The following BACH2 variants were observed in gnomAD, a reference collection of about 807,000 sequenced individuals.
BACH2 encodes the protein transcription regulator protein BACH2.
Under a neutral mutation model 61.8 loss-of-function variants are expected in BACH2, and 5 were observed. The observed-to-expected ratio is 0.08, with a 90% CI of 0.04 to 0.17. The LOEUF (loss-of-function observed/expected upper bound fraction) is 0.17, where lower values mean the gene tolerates loss of function less well. BACH2 is among the 10% of genes least tolerant of loss of function. The pLI is 1.00. For synonymous variants in BACH2, 446 were observed against 440.1 expected, an observed-to-expected ratio of 1.01 and a Z score of -0.17; for missense variants, 824 against 1,091.1, an observed-to-expected ratio of 0.76 and a Z score of 3.45.
At position 90,033,674 on chromosome 6, in the gene BACH2, C is replaced by A. The variant is rs1779124366; in HGVS notation, c.-12-24818G>T. 2.0e-5 allele frequency among the ~76,000 whole-genome samples: 3 copies of A among 151,996 alleles called. No homozygotes were observed. In the South Asian group the frequency reaches 6.2e-4, roughly 32 times the overall value. On this transcript the variant is annotated intron_variant, in intron 5 of 8. Transcript: ENST00000257749. The stretch of plus-strand genomic sequence containing the variant: ...TCCCTATTACAATGCTTTCAAAATT[C>A]TTTGAAAGAAAAAGATGCTCACCTG...
intron 3 of BACH2, among the ~76,000 whole-genome samples, chr6:90,242,378 A>G (rs1475184550): frequency 2.6e-5 from 4 of 152,166 alleles, no homozygotes; most frequent in African/African-American, 9.7e-5. Flanking sequence ...ACTTAGCAAT[A>G]TGCATTTAAG....
chr6:90,079,989 C>G (rs1378288880), intron 5 of BACH2, among the ~76,000 whole-genome samples: 1 of 151,354 alleles, frequency 6.6e-6, no homozygotes, highest in Non-Finnish European at 1.5e-5. Context: ...TTCAAAGACT[C>G]TAAGTTGGTA....
chr6:90,211,514 A>G (rs1369251811), intron 3 of BACH2, among the ~76,000 whole-genome samples: 1 of 152,132 alleles, frequency 6.6e-6, no homozygotes, highest in Admixed American at 6.6e-5. Flanking sequence ...AATGTGGTAT[A>G]GAGGTATGCT....
Position 90,210,312 on chromosome 6 carries a change from A to AACAC in BACH2, c.-274-3635_-274-3632dup, listed in dbSNP as rs3072671. 7.3e-3 allele frequency among the ~76,000 whole-genome samples: 1,074 copies of AACAC among 147,234 alleles called. 7 individuals are homozygous for AACAC. The highest frequency in any genetic ancestry group is 0.014 in the African/African-American group (555 of 39,832). ...ATAAACACAACACACACCCCAAAAC[A>AACAC]ACACACACACACACACACACACACA... On this transcript the variant is annotated intron_variant, in intron 3 of 8. Transcript: ENST00000257749.
intron 3 of BACH2, among the ~76,000 whole-genome samples, chr6:90,211,635 C>T (rs1769358193): frequency 7.4e-6 from 1 of 135,986 alleles, no homozygotes; most frequent in African/African-American, 2.6e-5. Context: ...TGTGTGTGCT[C>T]TCCTGACCCT....
At chr6:90,294,386 T>C (rs1158278924) in intron 1 of BACH2, among the ~76,000 whole-genome samples, 1 of 152,202 alleles carries the variant, frequency 6.6e-6, no homozygotes, top group Non-Finnish European at 1.5e-5. Flanking sequence ...TCTATTTCAA[T>C]GATATTCAGG....
At chr6:89,971,568 G>A (rs62408179) in intron 6 of BACH2, among the ~76,000 whole-genome samples, 49,611 of 151,872 alleles carry the variant, frequency 0.33, 8,578 homozygotes, top group Non-Finnish European at 0.39. Context: ...TACAGGGTGT[G>A]TAAGTCCATT....
chr6:90,130,218 C>T (rs1784033217), intron 4 of BACH2, among the ~76,000 whole-genome samples: 1 of 152,078 alleles, frequency 6.6e-6, no homozygotes, highest in South Asian at 2.1e-4. Flanking sequence ...GGAATTCCTG[C>T]TGGTGTGATG....
At chr6:90,009,539 T>C (rs938421802) in intron 5 of BACH2, among the ~76,000 whole-genome samples, 3 of 152,246 alleles carry the variant, frequency 2.0e-5, no homozygotes, top group African/African-American at 7.2e-5. Flanking sequence ...CCCAGCTGAA[T>C]TGATGTACAT....
Position 90,015,071 on chromosome 6 carries a change from C to G in BACH2, c.-12-6215G>C, listed in dbSNP as rs532092281. Among the ~76,000 whole-genome samples, 9 of 152,118 alleles carry G rather than the reference C, an allele frequency of 5.9e-5. No homozygotes were observed. The East Asian group carries it at 1.7e-3, about 29-fold the overall frequency. On this transcript the variant is annotated intron_variant, in intron 5 of 8. Transcript: ENST00000257749. Reference sequence around the variant, plus strand: ...CACTGGGATTACAGGCGTGAGCCACCACACCCAGCCCATATATAGTTTTTA... The same window carrying G: ...CACTGGGATTACAGGCGTGAGCCACGACACCCAGCCCATATATAGTTTTTA...
chr6:89,986,604 G>C (rs558210860), intron 6 of BACH2, among the ~76,000 whole-genome samples: 1 of 151,942 alleles, frequency 6.6e-6, no homozygotes, highest in African/African-American at 2.4e-5. Context: ...GAATGTTTAG[G>C]TGGCACTTAA....
At chr6:90,105,771 G>T (rs1782875732) in intron 4 of BACH2, among the ~76,000 whole-genome samples, 1 of 152,226 alleles carries the variant, frequency 6.6e-6, no homozygotes, top group South Asian at 2.1e-4. Context: ...AAGAAGAAAA[G>T]TGAAGGATGG....
At chr6:90,275,759 T>A (rs778023513) in intron 1 of BACH2, among the ~76,000 whole-genome samples, 4 of 152,112 alleles carry the variant, frequency 2.6e-5, no homozygotes, top group Admixed American at 1.3e-4. Context: ...CCTGAACATC[T>A]GAGGTCAGAA....
intron 5 of BACH2, among the ~76,000 whole-genome samples, chr6:90,030,289 A>G (rs897101544): frequency 1.3e-5 from 2 of 152,128 alleles, no homozygotes; most frequent in Non-Finnish European, 2.9e-5. Flanking sequence ...TGATGCTTTC[A>G]GAATGTGACA....
intron 4 of BACH2, among the ~76,000 whole-genome samples, chr6:90,100,268 T>C (rs1051673475): frequency 6.6e-6 from 1 of 152,250 alleles, no homozygotes; most frequent in Non-Finnish European, 1.5e-5. Flanking sequence ...TATTTGGACA[T>C]GTTTTCAATT....
At chr6:90,231,038 A>C (rs542553057) in intron 3 of BACH2, among the ~76,000 whole-genome samples, 3 of 152,226 alleles carry the variant, frequency 2.0e-5, no homozygotes, top group Admixed American at 1.3e-4. Context: ...TCTCTGCCGA[A>C]TTCCCTTCCC....
intron 4 of BACH2, among the ~76,000 whole-genome samples, chr6:90,146,790 T>C (rs1784634356): frequency 6.6e-6 from 1 of 152,226 alleles, no homozygotes; most frequent in South Asian, 2.1e-4. Flanking sequence ...AAATTAACAA[T>C]TGTCCTGTAA....
intron 3 of BACH2, among the ~76,000 whole-genome samples, chr6:90,239,736 T>G (rs547186161): frequency 6.6e-6 from 1 of 150,734 alleles, no homozygotes; most frequent in South Asian, 2.1e-4. Context: ...GTCACGTTTG[T>G]TTTTCTGTTT....
chr6:90,016,599 TTTACTTG>T (rs1778077779), intron 5 of BACH2, among the ~76,000 whole-genome samples: 1 of 152,158 alleles, frequency 6.6e-6, no homozygotes, highest in African/African-American at 2.4e-5. Flanking sequence ...TATTATACAT[TTTACTTG>T]TTACTTGTTA....
Sources: gnomAD v4.1 joint callset for allele counts (sites outside exome capture counted in the v4.1 genomes callset) on GRCh38, gnomAD v4.1.1 for gene constraint, MANE v1.5 for transcripts, NCBI Gene and HGNC (gene_info 2026-07-23, HGNC 2026-07-21) for gene names.